Variants in KHDRBS2 observed in about 807,000 individuals in gnomAD.
KHDRBS2 encodes the protein KH RNA binding domain containing, signal transduction associated 2.
KHDRBS2 carries 26 observed loss-of-function variants against 44.3 expected under a neutral mutation model. The ratio of observed to expected loss-of-function variants is 0.59; its 90% CI spans 0.43 to 0.81. KHDRBS2 has a LOEUF of 0.81. Ranked by LOEUF, KHDRBS2 falls within the 40% of genes least tolerant of loss-of-function variation. The pLI is 0.00. For synonymous variants in KHDRBS2, 194 were observed against 151.1 expected (o/e 1.28, Z -2.08); for missense variants, 476 against 433.1 (o/e 1.10, Z -0.88).
In KHDRBS2 at chr6:62,092,079, C is replaced by G. The variant is rs1255813418; in HGVS notation, c.220-44085G>C. ...TCTTGTTACTATTCTCTATTCATAT[C>G]CAATTACACATTTCCTAAAGTTTTG... On this transcript the variant is annotated intron_variant, in intron 2 of 8. Transcript: ENST00000281156. Among the ~76,000 whole-genome samples, 3 of 151,904 alleles carry G rather than the reference C, an allele frequency of 2.0e-5. No homozygotes were observed. In the East Asian group the frequency reaches 5.8e-4, roughly 29 times the overall value.
At chr6:61,678,123 G>C (rs1445834729), downstream of KHDRBS2, among the ~76,000 whole-genome samples, 1 of 151,802 alleles carries the variant, frequency 6.6e-6, no homozygotes, top group Non-Finnish European at 1.5e-5. Context: ...ATATATTATG[G>C]ATATTTATGT....
intron 1 of KHDRBS2, among the ~76,000 whole-genome samples, chr6:62,187,596 A>G (rs1383598040): frequency 5.3e-5 from 8 of 152,164 alleles, no homozygotes; most frequent in Non-Finnish European, 1.0e-4. Flanking sequence ...TAACATATGC[A>G]TACAGCCATG....
chr6:61,835,701 T>A (rs1446891075), intron 6 of KHDRBS2, among the ~76,000 whole-genome samples: 2 of 128,216 alleles, frequency 1.6e-5, no homozygotes, highest in Non-Finnish European at 1.6e-5. Context: ...CAGCTAATGT[T>A]GATGTGTGCG....
chr6:61,668,114 C>T, the KHDRBS2 span, among the ~76,000 whole-genome samples: 7 of 150,550 alleles, frequency 4.6e-5, no homozygotes, highest in Non-Finnish European at 1.0e-4. Context: ...TATTTTTTAC[C>T]TCACAATATA....
At chr6:62,180,861 T>C (rs756648041) in intron 1 of KHDRBS2, among the ~76,000 whole-genome samples, 7 of 151,748 alleles carry the variant, frequency 4.6e-5, no homozygotes, top group South Asian at 2.1e-4. Flanking sequence ...TAGTGGAACA[T>C]AACATGGAGT....
intron 1 of KHDRBS2, among the ~76,000 whole-genome samples, chr6:62,189,916 T>C (rs752250467): frequency 3.3e-5 from 5 of 151,754 alleles, no homozygotes; most frequent in African/African-American, 4.8e-5. Flanking sequence ...GAATCAGGAG[T>C]TGGATGAGGA....
the KHDRBS2 span, among the ~76,000 whole-genome samples, chr6:61,599,972 T>C: frequency 1.3e-5 from 2 of 152,248 alleles, no homozygotes; most frequent in East Asian, 3.9e-4. Flanking sequence ...AAAGACTATT[T>C]CTGGAAGGAA....
chr6:61,659,843 A>G, the KHDRBS2 span, among the ~76,000 whole-genome samples: 1 of 151,836 alleles, frequency 6.6e-6, no homozygotes, highest in Non-Finnish European at 1.5e-5. Flanking sequence ...GGTTGGGCCC[A>G]TTATGTGAGC....
chr6:61,582,611 T>G, the KHDRBS2 span, among the ~76,000 whole-genome samples: 1 of 151,680 alleles, frequency 6.6e-6, no homozygotes, highest in African/African-American at 2.4e-5. Context: ...AACAGCTTCT[T>G]TTTACAATTT....
At chr6:61,640,204 C>T in the KHDRBS2 span, among the ~76,000 whole-genome samples, 1 of 151,984 alleles carries the variant, frequency 6.6e-6, no homozygotes, top group Non-Finnish European at 1.5e-5. Flanking sequence ...AAAAACTTGG[C>T]AGCATTTGCC....
chr6:61,957,652 G>C (rs552837879), intron 4 of KHDRBS2, among the ~76,000 whole-genome samples: 1 of 152,130 alleles, frequency 6.6e-6, no homozygotes, highest in Non-Finnish European at 1.5e-5. Context: ...CCTGTCTCCT[G>C]ATAAGATGTT....
chr6:62,276,583 G>A (rs970570289), intron 1 of KHDRBS2, among the ~76,000 whole-genome samples: 10 of 152,158 alleles, frequency 6.6e-5, no homozygotes, highest in African/African-American at 1.9e-4. Flanking sequence ...TTCAGAAAAT[G>A]TAGTAGGCTG....
chr6:61,757,714 T>C (rs1448235185), intron 6 of KHDRBS2, among the ~76,000 whole-genome samples: 2 of 152,168 alleles, frequency 1.3e-5, no homozygotes, highest in African/African-American at 4.8e-5. Context: ...AATTTTATCT[T>C]CTTTATTGTC....
Position 61,974,711 on chromosome 6 carries a change from T to C in KHDRBS2, c.483+3355A>G, listed in dbSNP as rs183592481. 6.6e-5 allele frequency among the ~76,000 whole-genome samples: 10 copies of C among 151,926 alleles called. 1 individual carries two copies. Among genetic ancestry groups the C allele is most frequent in the Admixed American group, 5.3e-4 (8 of 15,228 alleles). Reference sequence around the variant, plus strand: ...ACTTTGGGAGGCTGAGGCGGGTGGATCATGAGGTCAAGATTTCGAGACCAG... The same window carrying C: ...ACTTTGGGAGGCTGAGGCGGGTGGACCATGAGGTCAAGATTTCGAGACCAG... On this transcript the variant is annotated intron_variant, in intron 4 of 8. Transcript: ENST00000281156.
At chr6:62,229,245 G>A (rs1447489284) in intron 1 of KHDRBS2, among the ~76,000 whole-genome samples, 1 of 152,118 alleles carries the variant, frequency 6.6e-6, no homozygotes, top group East Asian at 1.9e-4. Context: ...GCCCAGTGAG[G>A]AGGGATGGGC....
chr6:61,866,703 A>G (rs914242965), intron 6 of KHDRBS2, among the ~76,000 whole-genome samples: 6 of 152,202 alleles, frequency 3.9e-5, no homozygotes, highest in African/African-American at 1.4e-4. Context: ...TAACAGCACC[A>G]AAGTCACATC....
chr6:61,626,442 TATGCAATGCAGAAA>T, the KHDRBS2 span, among the ~76,000 whole-genome samples: 1 of 152,310 alleles, frequency 6.6e-6, no homozygotes, highest in Non-Finnish European at 1.5e-5. Context: ...TTTCCACTGG[TATGCAATGCAGAAA>T]ATACAGTGAG....
chr6:62,027,907 C>T (rs1783661171), intron 3 of KHDRBS2, among the ~76,000 whole-genome samples: 1 of 152,010 alleles, frequency 6.6e-6, no homozygotes, highest in African/African-American at 2.4e-5. Flanking sequence ...AAATTGTTTT[C>T]CTGAGTTCTG....
At position 62,171,445 on chromosome 6, in the gene KHDRBS2, T is replaced by G. The variant is rs2150119584; in HGVS notation, c.219+5740A>C. Among the ~76,000 whole-genome samples the G allele has an allele frequency of 2.0e-5, 3 of 151,330 alleles. No homozygotes were observed. The East Asian group carries it at 5.8e-4, about 29-fold the overall frequency. Reference sequence around the variant, plus strand: ...TATAATATGGGATTATGTAAAGAGATCAAAACTACAACTCACTGGCATCCC... The same window carrying G: ...TATAATATGGGATTATGTAAAGAGAGCAAAACTACAACTCACTGGCATCCC... On this transcript the variant is annotated intron_variant, in intron 2 of 8. Coordinates refer to ENST00000281156, the MANE Select transcript of KHDRBS2 (RefSeq NM_152688.4).
Sources: gnomAD v4.1 joint callset for allele counts (sites outside exome capture counted in the v4.1 genomes callset) on GRCh38, gnomAD v4.1.1 for gene constraint, MANE v1.5 for transcripts, NCBI Gene and HGNC (gene_info 2026-07-23, HGNC 2026-07-21) for gene names.